Variants in EDA observed in about 807,000 individuals in gnomAD.
EDA encodes ectodysplasin A.
Under a neutral mutation model 23.6 loss-of-function variants are expected in EDA, and 2 were observed. The observed-to-expected ratio is 0.08, with a 90% confidence interval of 0.03 to 0.27. The LOEUF (loss-of-function observed/expected upper bound fraction) is 0.27, where lower values mean the gene tolerates loss of function less well. Among genes scored for constraint, EDA ranks in the 10% least tolerant of loss-of-function variants. The pLI is 1.00. For missense variants in EDA, 229 were observed against 324.2 expected, an observed-to-expected ratio of 0.71 and a Z score of 2.26; for synonymous variants, 131 against 132.0, an observed-to-expected ratio of 0.99 and a Z score of 0.05.
chrX:69,993,978 T>A (rs2019624025), intron 2 of EDA, among the ~76,000 whole-genome samples: 1 of 112,084 alleles, frequency 8.9e-6, no homozygotes, highest in Non-Finnish European at 1.9e-5. Flanking sequence ...GGATTGGATT[T>A]CATATATTAA....
intron 3 of EDA, among the ~76,000 whole-genome samples, chrX:70,026,945 C>A (rs188930805): frequency 9.0e-6 from 1 of 110,633 alleles, no homozygotes; most frequent in African/African-American, 3.3e-5. Context: ...CTGTCCCCAT[C>A]CCAACCCCCA....
At chrX:69,649,523 A>G (rs963285369) in intron 1 of EDA, among the ~76,000 whole-genome samples, 2 of 111,469 alleles carry the variant, frequency 1.8e-5, no homozygotes, top group Non-Finnish European at 3.8e-5. Context: ...ATTAAATGCT[A>G]TAAAATAAGC....
At chrX:69,871,523 C>T (rs1032496800) in intron 1 of EDA, among the ~76,000 whole-genome samples, 3 of 111,360 alleles carry the variant, frequency 2.7e-5, no homozygotes, top group South Asian at 3.8e-4. Context: ...AGGCTAGGCC[C>T]GTCTCTCCTT....
rs1444419513 is a variant in EDA, at chrX:69,790,685, A to G, written c.397-166342A>G. Among the ~76,000 whole-genome samples, 4 of 111,818 alleles carry G rather than the reference A, an allele frequency of 3.6e-5. No individual in the cohort carries two copies. The Admixed American group carries it at 3.8e-4, about 11-fold the overall frequency. On this transcript the variant is annotated intron_variant, in intron 1 of 7. Coordinates refer to ENST00000374552, the MANE Select transcript of EDA (RefSeq NM_001399.5). ...TACAGAATAGTATGTTTCACATGAA[A>G]CAGTGTCTGACCATCTTCTTGGAGC...
In EDA at chrX:69,616,514, G is replaced by T. The variant is rs132630309; in HGVS notation, c.206G>T (p.Arg69Leu). The change falls in exon 1 of 8, where the codon CGG (arginine) becomes CTG (leucine). Residue 69 changes from arginine to leucine, a missense_variant. Arg to Leu is a moderately radical substitution (Grantham distance 102). Around this residue, in one of 2 missense-constraint regions of EDA, gnomAD observed 175 missense variants for 281.8 expected, o/e 0.62. Coordinates refer to ENST00000374552, the MANE Select transcript of EDA (RefSeq NM_001399.5). ...CCYLELRSEL[R>L]RERGAESRLG... ...TACCTAGAGTTGCGCTCGGAGTTGC[G>T]GCGGGAACGTGGAGCCGAGTCCCGC... is the stretch of plus-strand genomic sequence containing the variant. 4.8e-3 allele frequency: 5,867 copies of T among 1,210,205 alleles called. 17 individuals are homozygous for T. Among genetic ancestry groups the T allele is most frequent in the Non-Finnish European group, 6.0e-3 (5,397 of 895,023 alleles).
At chrX:69,849,304 T>A (rs2017077668) in intron 1 of EDA, among the ~76,000 whole-genome samples, 1 of 111,750 alleles carries the variant, frequency 8.9e-6, no homozygotes, top group Non-Finnish European at 1.9e-5. Flanking sequence ...TAAACTGAAT[T>A]AAGCCTTTGA....
chrX:69,999,464 A>G (rs2019707987), intron 2 of EDA, among the ~76,000 whole-genome samples: 1 of 109,855 alleles, frequency 9.1e-6, no homozygotes, highest in East Asian at 2.9e-4. Flanking sequence ...AATACAAAAA[A>G]AATTAGCTGG....
At chrX:69,903,424 C>T (rs2018125178) in intron 1 of EDA, among the ~76,000 whole-genome samples, 1 of 110,916 alleles carries the variant, frequency 9.0e-6, no homozygotes, top group Non-Finnish European at 1.9e-5. Context: ...GATGCTGAAC[C>T]CAGTCTGAAG....
At chrX:69,688,264 A>G (rs1014370950) in intron 1 of EDA, among the ~76,000 whole-genome samples, 6 of 111,868 alleles carry the variant, frequency 5.4e-5, no homozygotes, top group East Asian at 2.8e-4. Flanking sequence ...GACAATTAGT[A>G]TGTGGATATG....
At chrX:69,644,595 A>G (rs779488522) in intron 1 of EDA, among the ~76,000 whole-genome samples, 8 of 111,091 alleles carry the variant, frequency 7.2e-5, no homozygotes, top group African/African-American at 2.0e-4. Flanking sequence ...TCCTATTTGA[A>G]TACCTTTATT....
At chrX:69,632,241 A>G (rs1423603353) in intron 1 of EDA, among the ~76,000 whole-genome samples, 1 of 111,561 alleles carries the variant, frequency 9.0e-6, no homozygotes, top group Non-Finnish European at 1.9e-5. Context: ...CATGTGATGT[A>G]TGGTCAACCA....
intron 1 of EDA, among the ~76,000 whole-genome samples, chrX:69,919,799 G>A (rs768998985): frequency 8.9e-6 from 1 of 111,813 alleles, no homozygotes; most frequent in African/African-American, 3.2e-5. Flanking sequence ...TTCAATTTTA[G>A]CATTATTGCA....
chrX:69,820,212 C>T lies in EDA; in HGVS notation c.397-136815C>T, dbSNP rs188884509. 3.5e-3 allele frequency among the ~76,000 whole-genome samples: 392 copies of T among 111,727 alleles called. 2 individuals carry two copies. The highest frequency in any genetic ancestry group is 0.012 in the African/African-American group (364 of 30,811). On this transcript the variant is annotated intron_variant, in intron 1 of 7. Coordinates refer to ENST00000374552, the MANE Select transcript of EDA (RefSeq NM_001399.5). ...CCATATGTGGAAATTTGAAACTAGA[C>T]CCCTTCGTTACACCATATACAAAAA...
At chrX:69,809,479 C>T (rs779809141) in intron 1 of EDA, among the ~76,000 whole-genome samples, 75 of 111,256 alleles carry the variant, frequency 6.7e-4, no homozygotes, top group Non-Finnish European at 8.7e-4. Flanking sequence ...AATTACAATT[C>T]GACATGAGAT....
chrX:69,705,443 A>G (rs781134777), intron 1 of EDA, among the ~76,000 whole-genome samples: 17 of 111,051 alleles, frequency 1.5e-4, no homozygotes, highest in African/African-American at 5.2e-4. Context: ...GGGCCCATTC[A>G]TCTTTCCCTA....
intron 1 of EDA, among the ~76,000 whole-genome samples, chrX:69,868,995 T>C (rs1208834001): frequency 8.9e-6 from 1 of 111,992 alleles, no homozygotes. Context: ...TCACCACCCC[T>C]GTGTCTTTCA....
chrX:69,832,062 T>G (rs1022614191), intron 1 of EDA, among the ~76,000 whole-genome samples: 15 of 112,012 alleles, frequency 1.3e-4, no homozygotes, highest in African/African-American at 4.5e-4. Flanking sequence ...GTTGTCAATT[T>G]TGGCTTTTGT....
intron 1 of EDA, among the ~76,000 whole-genome samples, chrX:69,888,069 T>C (rs1414810615): frequency 2.7e-5 from 3 of 111,933 alleles, no homozygotes; most frequent in Non-Finnish European, 3.8e-5. Context: ...CTGTCTCTAG[T>C]ATAAAAGTTA....
intron 1 of EDA, among the ~76,000 whole-genome samples, chrX:69,888,503 G>A (rs1195305314): frequency 9.6e-6 from 1 of 104,213 alleles, no homozygotes; most frequent in African/African-American, 3.5e-5. Context: ...CAGAGTGACC[G>A]AATGGATTTA....
Sources: allele counts gnomAD v4.1 joint callset (sites outside exome capture counted in the v4.1 genomes callset), GRCh38; gene constraint gnomAD v4.1.1; regional missense constraint gnomAD v4.1.1; transcripts MANE v1.5; gene names NCBI Gene and HGNC (gene_info 2026-07-23, HGNC 2026-07-21).